The following UMAD1 variants were observed in gnomAD, a reference collection of about 807,000 sequenced individuals.
UMAD1 encodes the protein UBAP1-MVB12-associated (UMA)-domain containing protein 1.
In UMAD1, 8 loss-of-function variants were observed where a neutral mutation model predicts 6.1. That is an observed-to-expected ratio of 1.30 (90% CI 0.76 to 2.35). The LOEUF is 2.35. Among genes scored for constraint, UMAD1 ranks in the 30% most tolerant of loss-of-function variants. The pLI, the probability that UMAD1 is intolerant of heterozygous loss-of-function variation, is 0.00. For synonymous variants in UMAD1, 56 were observed against 31.4 expected, an observed-to-expected ratio of 1.78 and a Z score of -2.61; for missense variants, 130 against 78.4, an observed-to-expected ratio of 1.66 and a Z score of -2.49.
At chr7:7,742,739 A>G (rs1435463800) in intron 2 of UMAD1, among the ~76,000 whole-genome samples, 1 of 152,216 alleles carries the variant, frequency 6.6e-6, no homozygotes, top group African/African-American at 2.4e-5. Context: ...AATCAGCTTG[A>G]TTGATGAGAA....
intron 2 of UMAD1, among the ~76,000 whole-genome samples, chr7:7,799,066 A>C (rs940547412): frequency 3.9e-5 from 6 of 152,200 alleles, no homozygotes; most frequent in Admixed American, 3.3e-4. Flanking sequence ...CATATTTCTC[A>C]TACCCATTTT....
intron 2 of UMAD1, among the ~76,000 whole-genome samples, chr7:7,679,834 G>A (rs1779864163): frequency 6.6e-6 from 1 of 150,960 alleles, no homozygotes; most frequent in Admixed American, 6.6e-5. Flanking sequence ...CAAAGTGCTG[G>A]GATTACAGGC....
At chr7:7,647,794 G>A (rs1051100446) in intron 1 of UMAD1, among the ~76,000 whole-genome samples, 11 of 152,078 alleles carry the variant, frequency 7.2e-5, no homozygotes, top group Admixed American at 3.3e-4. Context: ...TTGTAGAGAC[G>A]GGTTCTTTCT....
At chr7:7,713,946 T>C (rs1780828879) in intron 2 of UMAD1, among the ~76,000 whole-genome samples, 1 of 152,092 alleles carries the variant, frequency 6.6e-6, no homozygotes, top group Admixed American at 6.5e-5. Context: ...GTGATCTTCC[T>C]GCCTTGGCCT....
chr7:7,705,659 G>T (rs1210275398), intron 2 of UMAD1, among the ~76,000 whole-genome samples: 2 of 152,138 alleles, frequency 1.3e-5, no homozygotes. Flanking sequence ...ACAGAGAACT[G>T]AATGTTTTTA....
intron 2 of UMAD1, among the ~76,000 whole-genome samples, chr7:7,752,820 T>C (rs1781703487): frequency 6.6e-6 from 1 of 152,126 alleles, no homozygotes; most frequent in Non-Finnish European, 1.5e-5. Context: ...TATTTAAAAT[T>C]TGTAATTTTT....
At chr7:7,702,397 A>G (rs142255707) in intron 2 of UMAD1, among the ~76,000 whole-genome samples, 132 of 152,216 alleles carry the variant, frequency 8.7e-4, no homozygotes, top group African/African-American at 3.1e-3. Flanking sequence ...TATTTTTTAA[A>G]TTGATATTTT....
chr7:7,816,495 C>G (rs942096450), intron 3 of UMAD1, among the ~76,000 whole-genome samples: 3 of 152,218 alleles, frequency 2.0e-5, no homozygotes, highest in Non-Finnish European at 4.4e-5. Context: ...TCTCTCTTAT[C>G]ACCGCCACTC....
At chr7:7,817,310 T>C (rs190679635) in intron 3 of UMAD1, among the ~76,000 whole-genome samples, 7 of 152,312 alleles carry the variant, frequency 4.6e-5, no homozygotes, top group Non-Finnish European at 1.0e-4. Flanking sequence ...TCATCATTGT[T>C]CCCTGTGCGT....
chr7:7,673,222 A>C (rs1779650222), intron 1 of UMAD1, 87 bp from the exon 2 acceptor site: 2 of 832,092 alleles, frequency 2.4e-6, no homozygotes, highest in Non-Finnish European at 4.0e-6. Flanking sequence ...AACTATTGTT[A>C]TATCGTTATG....
At chr7:7,743,677 C>G (rs1348482860) in intron 2 of UMAD1, among the ~76,000 whole-genome samples, 1 of 132,454 alleles carries the variant, frequency 7.5e-6, no homozygotes, top group Non-Finnish European at 1.6e-5. Flanking sequence ...AGCTAATATA[C>G]ATATATGTGT....
At chr7:7,857,437 C>T (rs1190801454) in intron 3 of UMAD1, among the ~76,000 whole-genome samples, 2 of 152,206 alleles carry the variant, frequency 1.3e-5, no homozygotes, top group Non-Finnish European at 2.9e-5. Flanking sequence ...AACCATCTGG[C>T]ACTTTCTTGC....
intron 2 of UMAD1, among the ~76,000 whole-genome samples, chr7:7,762,172 A>T (rs961534234): frequency 1.3e-5 from 2 of 152,132 alleles, no homozygotes; most frequent in Non-Finnish European, 2.9e-5. Flanking sequence ...TCCGTTCATC[A>T]TTGTTCAGCA....
At chr7:7,865,895 A>G (rs1310638200) in intron 3 of UMAD1, among the ~76,000 whole-genome samples, 1 of 152,158 alleles carries the variant, frequency 6.6e-6, no homozygotes, top group African/African-American at 2.4e-5. Flanking sequence ...TTTCCCCAAC[A>G]ATTTCATCTA....
At chr7:7,701,004 C>G (rs1293556682) in intron 2 of UMAD1, among the ~76,000 whole-genome samples, 1 of 152,166 alleles carries the variant, frequency 6.6e-6, no homozygotes, top group Non-Finnish European at 1.5e-5. Context: ...GAGCTATGAT[C>G]ACGGTACTAC....
chr7:7,818,971 T>C (rs528181181), intron 3 of UMAD1, among the ~76,000 whole-genome samples: 3 of 152,230 alleles, frequency 2.0e-5, no homozygotes, highest in Non-Finnish European at 4.4e-5. Flanking sequence ...TGCCTCAGCC[T>C]CCCAAGTAGC....
chr7:7,838,243 T>C (rs776679444), intron 3 of UMAD1, among the ~76,000 whole-genome samples: 2 of 151,928 alleles, frequency 1.3e-5, no homozygotes, highest in Admixed American at 6.6e-5. Flanking sequence ...ACTTAGCTCA[T>C]TGGGCCATAC....
At chr7:7,876,430 T>A (rs1784421243) in intron 3 of UMAD1, among the ~76,000 whole-genome samples, 1 of 152,062 alleles carries the variant, frequency 6.6e-6, no homozygotes, top group African/African-American at 2.4e-5. Flanking sequence ...GGGGGAGTCA[T>A]TTTTTTGCCC....
At chr7:7,801,277 A>C (rs1782793479) in intron 2 of UMAD1, among the ~76,000 whole-genome samples, 1 of 152,236 alleles carries the variant, frequency 6.6e-6, no homozygotes, top group Admixed American at 6.5e-5. Flanking sequence ...ACAAAGAGTA[A>C]GCCTTATGAA....
Sources: allele counts gnomAD v4.1 joint callset (sites outside exome capture counted in the v4.1 genomes callset), GRCh38; gene constraint gnomAD v4.1.1; transcripts MANE v1.5; gene names NCBI Gene and HGNC (gene_info 2026-07-23, HGNC 2026-07-21).